The following NDFIP1 variants were observed in gnomAD, a reference collection of about 807,000 sequenced individuals.
The protein encoded by NDFIP1 is NEDD4 family-interacting protein 1.
Under a neutral mutation model 28.8 loss-of-function variants are expected in NDFIP1, and 7 were observed. The ratio of observed to expected loss-of-function variants is 0.24; its 90% CI spans 0.14 to 0.46. The LOEUF is 0.46. Among genes scored for constraint, NDFIP1 ranks in the 20% least tolerant of loss-of-function variants. NDFIP1 has a pLI of 0.99. For missense variants in NDFIP1, 194 were observed against 269.1 expected, an observed-to-expected ratio of 0.72 and a Z score of 1.95; for synonymous variants, 92 against 101.0, an observed-to-expected ratio of 0.91 and a Z score of 0.53.
At chr5:142,150,791 TGGAGG>T (rs1426224564) in intron 7 of NDFIP1, among the ~76,000 whole-genome samples, 1 of 152,080 alleles carries the variant, frequency 6.6e-6, no homozygotes. Flanking sequence ...TATAGTAATT[TGGAGG>T]ATAGAAAAGT....
chr5:142,151,519 A>C (rs999348227), intron 7 of NDFIP1, among the ~76,000 whole-genome samples: 1 of 152,204 alleles, frequency 6.6e-6, no homozygotes, highest in Non-Finnish European at 1.5e-5. Flanking sequence ...AAAGCATTCC[A>C]GTTTTTTCTA....
At chr5:142,111,864 C>T (rs1049520214) in intron 1 of NDFIP1, among the ~76,000 whole-genome samples, 1 of 150,264 alleles carries the variant, frequency 6.7e-6, no homozygotes, top group African/African-American at 2.5e-5. Context: ...GTCAGGAGTT[C>T]GAGACCAGCC....
At chr5:142,121,815 A>C (rs1009883184) in intron 1 of NDFIP1, among the ~76,000 whole-genome samples, 4 of 152,208 alleles carry the variant, frequency 2.6e-5, no homozygotes, top group African/African-American at 9.7e-5. Context: ...GGTAAGTTAA[A>C]ATGGTATTAA....
In NDFIP1 at chr5:142,144,561, T is replaced by G; in HGVS notation, c.563-10T>G. ...ATAAATTCATTCATGACTTTTCTTT[T>G]TTAAATTAGGCTTTCTCCTGTTTCT... On this transcript the variant is annotated splice_polypyrimidine_tract_variant and intron_variant, in intron 6 of 7. Transcript: ENST00000253814. 6.3e-7 allele frequency: 1 copy of G among 1,587,754 alleles called. No homozygotes were observed.
chr5:142,115,980 A>G (rs1331924441), intron 1 of NDFIP1, among the ~76,000 whole-genome samples: 1 of 152,242 alleles, frequency 6.6e-6, no homozygotes, highest in East Asian at 1.9e-4. Context: ...TTTAAAGTAC[A>G]TGAGGTAGGT....
intron 1 of NDFIP1, among the ~76,000 whole-genome samples, chr5:142,118,332 A>G (rs747523541): frequency 2.0e-5 from 3 of 152,130 alleles, no homozygotes; most frequent in East Asian, 1.9e-4. Context: ...GAGTTTCTCA[A>G]ACTTTCCTTG....
chr5:142,122,671 T>G (rs771058257), intron 1 of NDFIP1, among the ~76,000 whole-genome samples: 8 of 152,216 alleles, frequency 5.3e-5, no homozygotes, highest in Admixed American at 1.3e-4. Context: ...TTTTCTGTTT[T>G]TTATTTTGGT....
In NDFIP1 at chr5:142,108,904, C is replaced by T; in HGVS notation, c.-71C>T. 3.0e-6 allele frequency: 4 copies of T among 1,324,332 alleles called. No homozygotes were observed. The highest frequency in any genetic ancestry group is 3.6e-5 in the South Asian group (2 of 55,400). The allele number at this position is 1,324,332 out of a possible 1,614,324, so 82.0% of individuals were successfully genotyped here. A position where few individuals can be genotyped will look rare whatever the true frequency, so the allele number is the denominator to read the frequency against. On this transcript the variant is annotated 5_prime_UTR_variant, in exon 1 of 8. Coordinates refer to ENST00000253814, the MANE Select transcript of NDFIP1 (RefSeq NM_030571.4). The stretch of plus-strand genomic sequence containing the variant: ...CGTCCCCCTCGGCCTCCCAGCGCTC[C>T]CAAGCCGCAGCGGCCGCGCCCCTTC...
intron 1 of NDFIP1, among the ~76,000 whole-genome samples, chr5:142,124,850 A>G (rs1757155121): frequency 6.7e-6 from 1 of 149,240 alleles, no homozygotes. Context: ...TTTGAGACGG[A>G]GTCTCGCCTC....
intron 1 of NDFIP1, among the ~76,000 whole-genome samples, chr5:142,114,738 G>A (rs1377012541): frequency 6.6e-6 from 1 of 152,202 alleles, no homozygotes; most frequent in Non-Finnish European, 1.5e-5. Context: ...TATGGAAACA[G>A]GATTTGTCAG....
chr5:142,122,828 A>C (rs1757133848), intron 1 of NDFIP1, among the ~76,000 whole-genome samples: 1 of 151,882 alleles, frequency 6.6e-6, no homozygotes, highest in African/African-American at 2.4e-5. Context: ...TTCCTTATTG[A>C]TTTTAAGAAG....
chr5:142,151,361 A>C (rs1194540619), intron 7 of NDFIP1, among the ~76,000 whole-genome samples: 1 of 152,186 alleles, frequency 6.6e-6, no homozygotes, highest in Non-Finnish European at 1.5e-5. Flanking sequence ...TAGGAAAATT[A>C]CTTGTGCACT....
chr5:142,149,097 C>T (rs1347315833), intron 7 of NDFIP1, among the ~76,000 whole-genome samples: 4 of 151,730 alleles, frequency 2.6e-5, no homozygotes, highest in African/African-American at 9.7e-5. Context: ...GTTTTTGAGC[C>T]CTAGCATTAA....
intron 1 of NDFIP1, among the ~76,000 whole-genome samples, chr5:142,127,340 TG>T (rs1168045064): frequency 1.3e-5 from 2 of 152,158 alleles, no homozygotes; most frequent in African/African-American, 2.4e-5. Flanking sequence ...TGTAAATAAA[TG>T]TTTTCTTAAA....
intron 1 of NDFIP1, among the ~76,000 whole-genome samples, chr5:142,119,277 G>A (rs1202479769): frequency 6.6e-6 from 1 of 152,156 alleles, no homozygotes; most frequent in Non-Finnish European, 1.5e-5. Flanking sequence ...TCATTCTTCA[G>A]TTCTGATATA....
In NDFIP1 at chr5:142,142,931, AAAAAAAAAAAT is replaced by A. The variant is rs1429853833; in HGVS notation, c.563-1638_563-1628del. On this transcript the variant is annotated intron_variant, in intron 6 of 7. Transcript: ENST00000253814. The stretch of plus-strand genomic sequence containing the variant: ...AGATTCCATCTCAAAAAAAAAAAAA[AAAAAAAAAAAT>A]ATATATATATATATATATATATATA... The A allele has an allele frequency of 7.8e-4, 61 of 78,342 alleles. No individual in the cohort carries two copies. In the Middle Eastern group the frequency reaches 0.017, roughly 22 times the overall value. 4.9% of individuals were successfully genotyped at this position (78,342 alleles called of 1,614,324 possible). A position where few individuals can be genotyped will look rare whatever the true frequency, so the allele number is the denominator to read the frequency against.
intron 1 of NDFIP1, among the ~76,000 whole-genome samples, chr5:142,118,253 G>A (rs1757089542): frequency 6.6e-6 from 1 of 152,080 alleles, no homozygotes; most frequent in African/African-American, 2.4e-5. Flanking sequence ...TCCCATCCAG[G>A]ATCCAGGATG....
At chr5:142,117,360 C>CA (rs1226068989) in intron 1 of NDFIP1, among the ~76,000 whole-genome samples, 4 of 151,578 alleles carry the variant, frequency 2.6e-5, no homozygotes, top group African/African-American at 4.8e-5. Context: ...TCTCCTGCCT[C>CA]AGTCTCCTGA....
chr5:142,131,731 CTATT>C (rs995694544), intron 1 of NDFIP1, 73 bp from the exon 2 acceptor site: 54 of 1,102,258 alleles, frequency 4.9e-5, no homozygotes, highest in Non-Finnish European at 6.0e-5. Flanking sequence ...TCGAGAAAGG[CTATT>C]TATTTCAGTT....
Sources: gnomAD v4.1 joint callset for allele counts (sites outside exome capture counted in the v4.1 genomes callset) on GRCh38, gnomAD v4.1.1 for gene constraint, MANE v1.5 for transcripts, NCBI Gene and HGNC (gene_info 2026-07-23, HGNC 2026-07-21) for gene names.